Variants in CHL1 observed in about 807,000 individuals in gnomAD.
CHL1 encodes the protein cell adhesion molecule L1 like, also known as neural cell adhesion molecule L1-like protein.
CHL1 carries 96 observed loss-of-function variants against 141.9 expected under a neutral mutation model. The observed-to-expected ratio is 0.68, with a 90% CI of 0.57 to 0.80. The LOEUF (loss-of-function observed/expected upper bound fraction) is 0.80, where lower values mean the gene tolerates loss of function less well. CHL1 is among the 30% of genes least tolerant of loss of function. The pLI is 0.00. For missense variants in CHL1, 1,820 were observed against 1,457.2 expected (o/e 1.25, Z -4.05); for synonymous variants, 613 against 502.2 (o/e 1.22, Z -2.95).
At chr3:303,375 G>A (rs1698935816) in intron 2 of CHL1, among the ~76,000 whole-genome samples, 4 of 152,168 alleles carry the variant, frequency 2.6e-5, no homozygotes, top group Admixed American at 6.5e-5. Context: ...CTATCCATGA[G>A]CATGGAATGC....
intron 2 of CHL1, among the ~76,000 whole-genome samples, chr3:307,499 A>T (rs1259306064): frequency 3.3e-5 from 5 of 152,218 alleles, no homozygotes; most frequent in Admixed American, 6.5e-5. Flanking sequence ...GAGTCATAGG[A>T]AAAAACACTC....
At chr3:289,998 C>T (rs1203551533) in intron 2 of CHL1, among the ~76,000 whole-genome samples, 7 of 136,398 alleles carry the variant, frequency 5.1e-5, no homozygotes, top group African/African-American at 8.5e-5. Flanking sequence ...GCAGTATACT[C>T]ACAGTATACT....
Position 255,382 on chromosome 3 carries a change from A to T in CHL1, c.-95+10690A>T, listed in dbSNP as rs75748559. Among the ~76,000 whole-genome samples, 579 of 152,266 alleles carry T rather than the reference A, an allele frequency of 3.8e-3. 3 individuals carry two copies. Among genetic ancestry groups the T allele is most frequent in the African/African-American group, 0.013 (554 of 41,564 alleles). ...TTTCCAGACGTTTTAAGTGATTATG[A>T]TTTCTATGCTGCATTGACTTACAAT... On this transcript the variant is annotated intron_variant, in intron 2 of 27. Transcript: ENST00000256509.
intron 2 of CHL1, among the ~76,000 whole-genome samples, chr3:258,465 G>T (rs1694387575): frequency 6.6e-6 from 1 of 152,134 alleles, no homozygotes; most frequent in African/African-American, 2.4e-5. Context: ...TCTCTCTCAA[G>T]AATTTTCATT....
At chr3:228,330 C>T (rs1438595046) in intron 1 of CHL1, among the ~76,000 whole-genome samples, 3 of 152,144 alleles carry the variant, frequency 2.0e-5, no homozygotes, top group Admixed American at 6.5e-5. Context: ...ACCAACGACA[C>T]CTTAAAGGCT....
rs779531928 is a variant in CHL1, at chr3:377,892, C to T, written c.1826C>T (p.Ala609Val). ...GACCAAGGTATTTACTGCTGTTCAG[C>T]TCATACTGCTCTAGACAGTGCTGCC... ...LEDQGIYCCS[A>V]HTALDSAADI... Residue 609 changes from alanine to valine, a missense_variant, in exon 16 of 28, where the codon GCT (alanine) becomes GTT (valine). Ala to Val is a moderately conservative substitution (Grantham distance 64). Transcript: ENST00000256509. 3 of 1,613,094 alleles carry T rather than the reference C, an allele frequency of 1.9e-6. No individual in the cohort carries two copies. Among genetic ancestry groups the T allele is most frequent in the South Asian group, 2.2e-5 (2 of 90,970 alleles).
intron 1 of CHL1, among the ~76,000 whole-genome samples, chr3:229,831 G>GA (rs1701699940): frequency 6.6e-6 from 1 of 152,104 alleles, no homozygotes; most frequent in African/African-American, 2.4e-5. Flanking sequence ...CCTTGAACTT[G>GA]AAAATCAATT....
intron 24 of CHL1, 75 bp from the exon 25 acceptor site, chr3:398,152 C>G (rs2106412841): frequency 9.4e-7 from 1 of 1,060,992 alleles, no homozygotes; most frequent in East Asian, 2.7e-5. Flanking sequence ...TTATTCACCT[C>G]TAACAACAAT....
At chr3:232,345 T>C (rs1380760250) in intron 1 of CHL1, among the ~76,000 whole-genome samples, 2 of 152,190 alleles carry the variant, frequency 1.3e-5, no homozygotes, top group Non-Finnish European at 2.9e-5. Flanking sequence ...ATTTTGGGAA[T>C]TGTCATTGAA....
At chr3:370,001 A>G (rs549415241) in intron 15 of CHL1, among the ~76,000 whole-genome samples, 1 of 152,334 alleles carries the variant, frequency 6.6e-6, no homozygotes, top group Non-Finnish European at 1.5e-5. Context: ...TTGGTCTGCC[A>G]GTATTTTATT....
At chr3:198,850 G>A (rs1451903862) in intron 1 of CHL1, among the ~76,000 whole-genome samples, 6 of 152,290 alleles carry the variant, frequency 3.9e-5, no homozygotes, top group South Asian at 4.1e-4. Context: ...CAACTCCTAC[G>A]AAGCTCTGCC....
chr3:209,858 G>C (rs1365320949), intron 1 of CHL1, among the ~76,000 whole-genome samples: 1 of 152,222 alleles, frequency 6.6e-6, no homozygotes, highest in Non-Finnish European at 1.5e-5. Context: ...GTTGTTTACA[G>C]ATAGGATTTT....
chr3:265,953 A>G (rs976564549), intron 2 of CHL1, among the ~76,000 whole-genome samples: 4 of 152,130 alleles, frequency 2.6e-5, no homozygotes, highest in African/African-American at 9.7e-5. Context: ...AGAGAAAGAA[A>G]TGGATGGTTG....
intron 1 of CHL1, among the ~76,000 whole-genome samples, chr3:236,819 G>C (rs1692031916): frequency 1.4e-5 from 2 of 145,170 alleles, no homozygotes; most frequent in African/African-American, 5.7e-5. Flanking sequence ...ATAATGTAGT[G>C]CCTTTCTCTG....
At chr3:299,894 CT>C (rs1173715145) in intron 2 of CHL1, among the ~76,000 whole-genome samples, 2 of 152,176 alleles carry the variant, frequency 1.3e-5, no homozygotes, top group Non-Finnish European at 2.9e-5. Context: ...AACAAGGTCA[CT>C]GCTACCTTCT....
chr3:207,056 C>G (rs1333807178), intron 1 of CHL1, among the ~76,000 whole-genome samples: 1 of 151,910 alleles, frequency 6.6e-6, no homozygotes, highest in Non-Finnish European at 1.5e-5. Flanking sequence ...TATTAGCAGC[C>G]GTCAATAAAG....
In CHL1 at chr3:331,803, A is replaced by G. The variant is rs796975338; in HGVS notation, c.385+3449A>G. Among the ~76,000 whole-genome samples, 4 of 152,332 alleles carry G rather than the reference A, an allele frequency of 2.6e-5. No individual in the cohort carries two copies. In the South Asian group the frequency reaches 8.3e-4, roughly 32 times the overall value. The stretch of plus-strand genomic sequence containing the variant: ...TATATAAACTTGAACCTCAGACTGG[A>G]GGGCCAATAAAAATGTGAAAATGTG... On this transcript the variant is annotated intron_variant, in intron 5 of 27. Coordinates refer to ENST00000256509, the MANE Select transcript of CHL1 (RefSeq NM_006614.4).
chr3:392,174 G>C (rs965902961), intron 23 of CHL1, among the ~76,000 whole-genome samples: 2 of 152,172 alleles, frequency 1.3e-5, no homozygotes, highest in Admixed American at 1.3e-4. Context: ...GTGCTGATGG[G>C]TACACAAAAC....
intron 2 of CHL1, among the ~76,000 whole-genome samples, chr3:261,757 G>C (rs1220504953): frequency 6.6e-6 from 1 of 152,012 alleles, no homozygotes; most frequent in South Asian, 2.1e-4. Flanking sequence ...TATTTATAAA[G>C]AGAAATAAAT....
Sources: allele counts gnomAD v4.1 joint callset (sites outside exome capture counted in the v4.1 genomes callset), GRCh38; gene constraint gnomAD v4.1.1; transcripts MANE v1.5; gene names NCBI Gene and HGNC (gene_info 2026-07-23, HGNC 2026-07-21).